The following SLC1A7 variants were observed in gnomAD, a reference collection of about 807,000 sequenced individuals.
SLC1A7 encodes excitatory amino acid transporter 5.
SLC1A7 carries 40 observed loss-of-function variants against 47.7 expected under a neutral mutation model. That is an observed-to-expected ratio of 0.84 (90% CI 0.65 to 1.09). The LOEUF is 1.09. SLC1A7 is among the 50% of genes least tolerant of loss of function. The probability of loss-of-function intolerance (pLI) is 0.00; values close to 1 mark genes in which losing one functional copy is unlikely to be tolerated. For synonymous variants in SLC1A7, 323 were observed against 325.6 expected (o/e 0.99, Z 0.09); for missense variants, 746 against 769.5 (o/e 0.97, Z 0.36).
Position 53,087,406 on chromosome 1 carries a change from C to T in SLC1A7, c.*603G>A, listed in dbSNP as rs1445086037. The stretch of plus-strand genomic sequence containing the variant: ...TGGATGTGTCAAGGGGGCCTTTCAG[C>T]TCTAGTAAAGACATCTGTCTCCACA... On this transcript the variant is annotated 3_prime_UTR_variant, in exon 11 of 11. Coordinates refer to ENST00000371494, the MANE Select transcript of SLC1A7 (RefSeq NM_006671.6). 1 of 152,234 alleles carries T rather than the reference C, an allele frequency of 6.6e-6. No individual in the cohort carries two copies. The highest frequency in any genetic ancestry group is 1.5e-5 in the Non-Finnish European group (1 of 68,058). The allele number at this position is 152,234 out of a possible 1,614,324, so 9.4% of individuals were successfully genotyped here. A position where few individuals can be genotyped will look rare whatever the true frequency, so the allele number is the denominator to read the frequency against.
Position 53,106,399 on chromosome 1 carries a change from C to T in SLC1A7, c.432-625G>A, listed in dbSNP as rs1192278083. 2.0e-5 allele frequency among the ~76,000 whole-genome samples: 3 copies of T among 151,874 alleles called. No homozygotes were observed. In the East Asian group the frequency reaches 5.8e-4, roughly 29 times the overall value. ...TTGGGAGGCCAAGGCGGGCGGATCA[C>T]GAGGTCGGAGATCGAGTCCACGGTG... On this transcript the variant is annotated intron_variant, in intron 3 of 10. Coordinates refer to ENST00000371494, the MANE Select transcript of SLC1A7 (RefSeq NM_006671.6).
intron 5 of SLC1A7, among the ~76,000 whole-genome samples, chr1:53,101,595 G>GCCTCAGTACACTCACACACCCCA (rs1470532184): frequency 3.2e-5 from 4 of 125,458 alleles, no homozygotes; most frequent in Non-Finnish European, 6.7e-5. Flanking sequence ...CACACAACCC[G>GCCTCAGTACACTCACACACCCCA]CCTCAGTACA....
chr1:53,132,076 T>C (rs1644947123), intron 2 of SLC1A7, among the ~76,000 whole-genome samples: 1 of 152,134 alleles, frequency 6.6e-6, no homozygotes, highest in Non-Finnish European at 1.5e-5. Flanking sequence ...CTTAGGGAAC[T>C]TGAGGCTGGT....
At chr1:53,090,579 C>A (rs1410011833) in intron 8 of SLC1A7, 33 bp downstream of exon 8, 3 of 1,536,038 alleles carry the variant, frequency 2.0e-6, no homozygotes, top group Admixed American at 1.9e-5. Flanking sequence ...CCAGCCCCCG[C>A]CCCATCCACC....
At chr1:53,122,488 C>G (rs1320572893) in intron 2 of SLC1A7, among the ~76,000 whole-genome samples, 1 of 152,224 alleles carries the variant, frequency 6.6e-6, no homozygotes, top group Non-Finnish European at 1.5e-5. Flanking sequence ...ATGGCTTACT[C>G]TTCTTTTCCC....
In SLC1A7 at chr1:53,093,483, T is replaced by C; in HGVS notation, c.775A>G (p.Lys259Glu). 1.2e-6 allele frequency: 2 copies of C among 1,611,140 alleles called. No individual in the cohort carries two copies. The highest frequency in any genetic ancestry group is 2.2e-5 in the East Asian group (1 of 44,842). Reference sequence around the variant, plus strand: ...TACCACACAGCCACCGCCACGATCTTCATGACCGACTCATTGAGGCACTGG... The same window carrying C: ...TACCACACAGCCACCGCCACGATCTCCATGACCGACTCATTGAGGCACTGG... ...FCQCLNESVM[K>E]IVAVAVWYFP... The change falls in exon 6 of 11, where the codon AAG becomes GAG. Residue 259 changes from lysine (K) to glutamate (E), a missense_variant. Coordinates refer to ENST00000371494, the MANE Select transcript of SLC1A7 (RefSeq NM_006671.6).
At chr1:53,114,358 C>T (rs547405528) in intron 3 of SLC1A7, among the ~76,000 whole-genome samples, 213 of 152,284 alleles carry the variant, frequency 1.4e-3, no homozygotes, top group African/African-American at 5.0e-3. Flanking sequence ...TGAATCCTGT[C>T]TCCACTACCT....
chr1:53,136,277 T>A (rs1644993234), intron 1 of SLC1A7, among the ~76,000 whole-genome samples: 1 of 148,282 alleles, frequency 6.7e-6, no homozygotes, highest in Admixed American at 6.8e-5. Flanking sequence ...CACTGCAACC[T>A]CCGCCTCCCA....
chr1:53,142,383 A>G lies in SLC1A7; in HGVS notation c.67T>C (p.Ser23Pro), dbSNP rs1645067282. The G allele has an allele frequency of 6.2e-7, 1 of 1,605,288 alleles. No homozygotes were observed. The highest frequency in any genetic ancestry group is 8.5e-7 in the Non-Finnish European group (1 of 1,176,046). Residue 23 changes from serine to proline, a missense_variant, in exon 1 of 11, where the codon TCT becomes CCT. Transcript: ENST00000371494. ...VCRRNGLLIL[S>P]VLSVIVGCLL... ...CAGCCCACGATGACAGACAGCACAG[A>G]CAGGATGAGGAGTCCATTCCGCCTG...
chr1:53,116,643 C>T lies in SLC1A7; in HGVS notation c.216-1670G>A, dbSNP rs551488990. ...AAAGAGAGATTATCCCACGCAGGGC[C>T]GGTGCGTCAACCCAGGGCCAAACAG... On this transcript the variant is annotated intron_variant, in intron 2 of 10. Coordinates refer to ENST00000371494, the MANE Select transcript of SLC1A7 (RefSeq NM_006671.6). 3.9e-5 allele frequency among the ~76,000 whole-genome samples: 6 copies of T among 152,248 alleles called. No individual in the cohort carries two copies. In the East Asian group the frequency reaches 7.7e-4, roughly 20 times the overall value.
At chr1:53,098,077 TCACA>T (rs977965842) in intron 5 of SLC1A7, among the ~76,000 whole-genome samples, 5 of 145,810 alleles carry the variant, frequency 3.4e-5, no homozygotes, top group African/African-American at 1.3e-4. Context: ...CTTGGTACAC[TCACA>T]CACCCTACCT....
intron 2 of SLC1A7, among the ~76,000 whole-genome samples, chr1:53,123,208 C>T (rs566629008): frequency 3.3e-5 from 5 of 152,298 alleles, no homozygotes; most frequent in South Asian, 4.2e-4. Context: ...TCCAACTCCA[C>T]GTGAACTGAA....
intron 5 of SLC1A7, among the ~76,000 whole-genome samples, chr1:53,102,049 T>C (rs11206093): frequency 0.2 from 31,061 of 152,180 alleles, 3,307 homozygotes; most frequent in Middle Eastern, 0.29. Context: ...GGTTCTTTTG[T>C]TCTGCCAGTA....
chr1:53,120,206 A>T (rs1377000811), intron 2 of SLC1A7, among the ~76,000 whole-genome samples: 1 of 151,428 alleles, frequency 6.6e-6, no homozygotes, highest in African/African-American at 2.4e-5. Flanking sequence ...CTGCTGACTG[A>T]CCCTCCCCTG....
intron 1 of SLC1A7, among the ~76,000 whole-genome samples, chr1:53,140,096 TCAAA>T (rs1231266798): frequency 3.7e-4 from 56 of 152,310 alleles, no homozygotes; most frequent in Admixed American, 3.6e-3. Context: ...GGCAAAGAGA[TCAAA>T]CAGAGAAATC....
intron 5 of SLC1A7, among the ~76,000 whole-genome samples, chr1:53,098,850 T>C (rs565048613): frequency 4.8e-5 from 7 of 145,950 alleles, no homozygotes; most frequent in Admixed American, 1.4e-4. Context: ...CTTGGTACAC[T>C]TACACACTCT....
At chr1:53,097,161 C>T (rs1396213959) in intron 5 of SLC1A7, among the ~76,000 whole-genome samples, 4 of 150,708 alleles carry the variant, frequency 2.7e-5, no homozygotes, top group African/African-American at 7.3e-5. Context: ...CTCACATGCC[C>T]CACCTCAGTA....
intron 5 of SLC1A7, among the ~76,000 whole-genome samples, chr1:53,096,824 C>A (rs570613839): frequency 6.6e-6 from 1 of 151,290 alleles, no homozygotes; most frequent in Admixed American, 6.6e-5. Context: ...CTCACAGATA[C>A]CACCTCAGAA....
intron 3 of SLC1A7, among the ~76,000 whole-genome samples, chr1:53,114,362 A>T (rs1054438851): frequency 1.3e-5 from 2 of 152,152 alleles, no homozygotes; most frequent in African/African-American, 2.4e-5. Flanking sequence ...TCCTGTCTCC[A>T]CTACCTACCT....
Sources: gnomAD v4.1 joint callset for allele counts (sites outside exome capture counted in the v4.1 genomes callset) on GRCh38, gnomAD v4.1.1 for gene constraint, MANE v1.5 for transcripts, NCBI Gene and HGNC (gene_info 2026-07-23, HGNC 2026-07-21) for gene names.